KIAA0232: variants seen among roughly 807,000 people sequenced by gnomAD.
KIAA0232 encodes KIAA0232.
A neutral mutation model predicts 122.0 loss-of-function variants in KIAA0232; 27 were observed. The observed-to-expected ratio is 0.22, with a 90% CI of 0.16 to 0.31. KIAA0232 has a LOEUF of 0.31. Ranked by LOEUF, KIAA0232 falls within the 10% of genes least tolerant of loss-of-function variation. The probability of loss-of-function intolerance (pLI) is 1.00; values close to 1 mark genes in which losing one functional copy is unlikely to be tolerated. For synonymous variants in KIAA0232, 613 were observed against 587.6 expected (o/e 1.04, Z -0.63); for missense variants, 1,551 against 1,634.2 (o/e 0.95, Z 0.88).
chr4:6,843,478 A>T (rs1272984836), intron 4 of KIAA0232, among the ~76,000 whole-genome samples: 1 of 152,072 alleles, frequency 6.6e-6, no homozygotes, highest in Non-Finnish European at 1.5e-5. Flanking sequence ...ACTCCTAATT[A>T]TCTCTGAGGC....
At chr4:6,825,748 T>C (rs963766950) in intron 3 of KIAA0232, among the ~76,000 whole-genome samples, 19 of 152,118 alleles carry the variant, frequency 1.2e-4, no homozygotes, top group Non-Finnish European at 2.5e-4. Context: ...TATCTACAAA[T>C]TTCACATAAA....
intron 4 of KIAA0232, 143 bp downstream of exon 4, chr4:6,842,347 TC>T (rs1719708684): frequency 1.3e-6 from 1 of 789,096 alleles, no homozygotes; most frequent in Non-Finnish European, 2.0e-6. Flanking sequence ...TTACCACTTT[TC>T]CTTTATGGTA....
chr4:6,816,925 A>C lies in KIAA0232; in HGVS notation c.-269-7260A>C, dbSNP rs553558013. Among the ~76,000 whole-genome samples the C allele has an allele frequency of 2.0e-5, 3 of 152,246 alleles. No homozygotes were observed. In the East Asian group the frequency reaches 5.8e-4, roughly 29 times the overall value. On this transcript the variant is annotated intron_variant, in intron 2 of 9. Transcript: ENST00000307659. ...CTTATTCTCATTTTTATACCTATAG[A>C]ATCTGTAGTGATCTCACCTCTCTCA...
At chr4:6,850,539 T>TATA (rs1394384149) in intron 4 of KIAA0232, among the ~76,000 whole-genome samples, 4 of 152,238 alleles carry the variant, frequency 2.6e-5, no homozygotes, top group Admixed American at 1.3e-4. Context: ...AACATGATCT[T>TATA]ATAATGTCTT....
intron 3 of KIAA0232, among the ~76,000 whole-genome samples, chr4:6,839,186 T>G (rs1343119964): frequency 6.6e-6 from 1 of 152,238 alleles, no homozygotes; most frequent in African/African-American, 2.4e-5. Flanking sequence ...TGACATTGAT[T>G]AATAAGATTA....
chr4:6,867,022 G>A (rs993254122), intron 7 of KIAA0232, among the ~76,000 whole-genome samples: 11 of 152,174 alleles, frequency 7.2e-5, no homozygotes, highest in African/African-American at 4.8e-5. Context: ...TTTTTTGCGC[G>A]TATTAACAAG....
At chr4:6,820,549 A>G (rs1718372819) in intron 2 of KIAA0232, among the ~76,000 whole-genome samples, 1 of 152,114 alleles carries the variant, frequency 6.6e-6, no homozygotes. Flanking sequence ...ATGATAAACC[A>G]TTTTCATACA....
At chr4:6,838,266 G>T (rs1444926089) in intron 3 of KIAA0232, among the ~76,000 whole-genome samples, 1 of 149,752 alleles carries the variant, frequency 6.7e-6, no homozygotes. Context: ...TCTGCTCACT[G>T]CAGCCTCCGC....
At chr4:6,797,724 C>A (rs1426525743) in intron 1 of KIAA0232, among the ~76,000 whole-genome samples, 3 of 144,940 alleles carry the variant, frequency 2.1e-5, no homozygotes, top group Non-Finnish European at 3.0e-5. Context: ...CATGATTGCA[C>A]TACTGTGCTC....
chr4:6,869,018 G>A (rs1205920208), intron 7 of KIAA0232, among the ~76,000 whole-genome samples: 1 of 152,214 alleles, frequency 6.6e-6, no homozygotes, highest in Admixed American at 6.5e-5. Flanking sequence ...AGCAGACACT[G>A]AGTATCTGCT....
chr4:6,823,181 T>A (rs1019550771), intron 2 of KIAA0232, among the ~76,000 whole-genome samples: 66 of 151,978 alleles, frequency 4.3e-4, no homozygotes, highest in African/African-American at 1.5e-3. Flanking sequence ...TCTATCATTG[T>A]TGGACATTTG....
At chr4:6,821,627 T>G (rs116581250) in intron 2 of KIAA0232, among the ~76,000 whole-genome samples, 73 of 152,124 alleles carry the variant, frequency 4.8e-4, no homozygotes, top group African/African-American at 1.6e-3. Flanking sequence ...TCTATATATA[T>G]ATACGTGTAT....
At chr4:6,815,898 G>A (rs1042829252) in intron 2 of KIAA0232, among the ~76,000 whole-genome samples, 14 of 152,254 alleles carry the variant, frequency 9.2e-5, no homozygotes, top group African/African-American at 3.1e-4. Context: ...TTTTGCCTTC[G>A]TATGCTGATT....
intron 2 of KIAA0232, among the ~76,000 whole-genome samples, chr4:6,816,261 C>T (rs1223256043): frequency 3.3e-5 from 5 of 150,442 alleles, no homozygotes; most frequent in African/African-American, 1.2e-4. Flanking sequence ...TATTGGTCTT[C>T]TTTGTTTCTT....
intron 8 of KIAA0232, among the ~76,000 whole-genome samples, chr4:6,873,416 GAC>G (rs1202869574): frequency 6.6e-6 from 1 of 152,208 alleles, no homozygotes; most frequent in Non-Finnish European, 1.5e-5. Context: ...ACAAGACACA[GAC>G]ACAGTTAATG....
chr4:6,843,158 T>A (rs564176965), intron 4 of KIAA0232, among the ~76,000 whole-genome samples: 2 of 152,234 alleles, frequency 1.3e-5, no homozygotes, highest in Non-Finnish European at 2.9e-5. Flanking sequence ...GCAGTTAATA[T>A]TATGAATTCT....
intron 9 of KIAA0232, among the ~76,000 whole-genome samples, chr4:6,880,503 T>C (rs561294041): frequency 2.0e-5 from 3 of 152,368 alleles, no homozygotes; most frequent in South Asian, 2.1e-4. Context: ...TCCTGGTGCA[T>C]AGCAGGTACT....
intron 4 of KIAA0232, among the ~76,000 whole-genome samples, chr4:6,853,036 A>G (rs1241332534): frequency 1.3e-5 from 2 of 152,220 alleles, no homozygotes; most frequent in African/African-American, 4.8e-5. Flanking sequence ...TTAAGTAGAC[A>G]GCTTCTGGAC....
At chr4:6,808,291 C>T (rs1443701809) in intron 2 of KIAA0232, among the ~76,000 whole-genome samples, 1 of 151,010 alleles carries the variant, frequency 6.6e-6, no homozygotes, top group African/African-American at 2.4e-5. Context: ...TATGCCTTCC[C>T]CCTCAAGTCT....
Sources: gnomAD v4.1 joint callset for allele counts (sites outside exome capture counted in the v4.1 genomes callset) on GRCh38, gnomAD v4.1.1 for gene constraint, MANE v1.5 for transcripts, NCBI Gene and HGNC (gene_info 2026-07-23, HGNC 2026-07-21) for gene names.